NKAIN3: variants seen among roughly 807,000 people sequenced by gnomAD.
The protein encoded by NKAIN3 is sodium/potassium transporting ATPase interacting 3.
Under a neutral mutation model 30.2 loss-of-function variants are expected in NKAIN3, and 25 were observed. That is an observed-to-expected ratio of 0.83 (90% CI 0.60 to 1.16). NKAIN3 has a LOEUF of 1.16. NKAIN3 is among the 50% of genes most tolerant of loss of function. The pLI is 0.00. For synonymous variants in NKAIN3, 91 were observed against 89.6 expected (o/e 1.02, Z -0.09); for missense variants, 225 against 254.1 (o/e 0.89, Z 0.78).
At chr8:62,800,822 A>G (rs1267611918) in intron 4 of NKAIN3, among the ~76,000 whole-genome samples, 3 of 152,198 alleles carry the variant, frequency 2.0e-5, no homozygotes, top group African/African-American at 7.2e-5. Flanking sequence ...GCATTGCCTC[A>G]CTCGGGAAGT....
intron 3 of NKAIN3, among the ~76,000 whole-genome samples, chr8:62,645,135 A>T (rs1812422951): frequency 6.6e-6 from 1 of 152,070 alleles, no homozygotes; most frequent in Non-Finnish European, 1.5e-5. Context: ...GGTGGAGCCA[A>T]AGAGTGTAAG....
At chr8:62,577,752 G>A (rs1217434134) in intron 1 of NKAIN3, among the ~76,000 whole-genome samples, 5 of 151,512 alleles carry the variant, frequency 3.3e-5, no homozygotes, top group African/African-American at 7.3e-5. Flanking sequence ...GATATTTTGC[G>A]TTTTAGCCAT....
At chr8:62,441,793 A>G (rs776935008) in intron 1 of NKAIN3, among the ~76,000 whole-genome samples, 7 of 152,052 alleles carry the variant, frequency 4.6e-5, no homozygotes, top group Non-Finnish European at 1.0e-4. Context: ...AATTAAAAAC[A>G]TTGATAAGAA....
At position 62,339,788 on chromosome 8, in the gene NKAIN3, T is replaced by G. The variant is rs535517868; in HGVS notation, c.54+90661T>G. ...AAGTTAAAAAGTAATGTGCATATTTTTCTAAAGAAAGGATTTTATAATGTA... is the reference window on the plus strand; with the variant it reads ...AAGTTAAAAAGTAATGTGCATATTTGTCTAAAGAAAGGATTTTATAATGTA... On this transcript the variant is annotated intron_variant, in intron 1 of 6. Transcript: ENST00000623646. Among the ~76,000 whole-genome samples, 13 of 152,194 alleles carry G rather than the reference T, an allele frequency of 8.5e-5. No homozygotes were observed. The South Asian group carries it at 2.7e-3, about 31-fold the overall frequency.
At chr8:62,509,910 C>T (rs2129729142) in intron 1 of NKAIN3, among the ~76,000 whole-genome samples, 1 of 152,146 alleles carries the variant, frequency 6.6e-6, no homozygotes. Flanking sequence ...GTGGATCTTG[C>T]TTTTGAAAAA....
At chr8:62,676,875 A>C (rs904045076) in intron 3 of NKAIN3, among the ~76,000 whole-genome samples, 1 of 151,864 alleles carries the variant, frequency 6.6e-6, no homozygotes, top group African/African-American at 2.4e-5. Context: ...CACCATGCCA[A>C]GCTAATTTTT....
intron 3 of NKAIN3, among the ~76,000 whole-genome samples, chr8:62,624,068 C>G (rs1480701501): frequency 2.0e-5 from 3 of 152,034 alleles, no homozygotes; most frequent in Non-Finnish European, 2.9e-5. Context: ...TGTCATGGTG[C>G]TGGTAGGAGT....
At chr8:62,625,612 G>T (rs1201121450) in intron 3 of NKAIN3, among the ~76,000 whole-genome samples, 1 of 152,114 alleles carries the variant, frequency 6.6e-6, no homozygotes, top group Admixed American at 6.6e-5. Flanking sequence ...GCCTCATCAG[G>T]TTGTGATAAA....
intron 1 of NKAIN3, among the ~76,000 whole-genome samples, chr8:62,332,972 C>A (rs1470201431): frequency 6.6e-6 from 1 of 152,074 alleles, no homozygotes; most frequent in Non-Finnish European, 1.5e-5. Context: ...TGCACTCTAG[C>A]CTGGCAGACA....
intron 1 of NKAIN3, among the ~76,000 whole-genome samples, chr8:62,518,201 A>G (rs185423543): frequency 2.3e-4 from 35 of 152,202 alleles, no homozygotes; most frequent in Admixed American, 2.1e-3. Flanking sequence ...CTCTACTAAA[A>G]ATACAAAAAT....
At chr8:62,472,164 G>A (rs1806374648) in intron 1 of NKAIN3, among the ~76,000 whole-genome samples, 1 of 152,156 alleles carries the variant, frequency 6.6e-6, no homozygotes, top group African/African-American at 2.4e-5. Flanking sequence ...CCTCAGTCCT[G>A]GGTGAGCTGA....
At chr8:62,945,956 G>A (rs1006292360) in intron 5 of NKAIN3, among the ~76,000 whole-genome samples, 1 of 152,160 alleles carries the variant, frequency 6.6e-6, no homozygotes, top group African/African-American at 2.4e-5. Flanking sequence ...TTGCTGAGCA[G>A]AAAGAAGTAA....
intron 4 of NKAIN3, among the ~76,000 whole-genome samples, chr8:62,834,182 A>G (rs138454117): frequency 1.3e-5 from 2 of 152,244 alleles, no homozygotes; most frequent in East Asian, 1.9e-4. Context: ...ACCTCAAAAT[A>G]GTAAGAACGG....
intron 1 of NKAIN3, among the ~76,000 whole-genome samples, chr8:62,480,016 T>G (rs1401593308): frequency 1.3e-5 from 2 of 152,176 alleles, no homozygotes; most frequent in Non-Finnish European, 2.9e-5. Flanking sequence ...AAGGAACACT[T>G]TGTTTTTATA....
chr8:62,896,366 T>C (rs952204982), intron 4 of NKAIN3, among the ~76,000 whole-genome samples: 7 of 152,126 alleles, frequency 4.6e-5, no homozygotes, highest in Admixed American at 4.6e-4. Context: ...AGTTTGAACA[T>C]GTACATTCTG....
chr8:62,296,794 GC>G (rs934784658), intron 1 of NKAIN3, among the ~76,000 whole-genome samples: 65 of 152,104 alleles, frequency 4.3e-4, no homozygotes, highest in African/African-American at 1.6e-3. Context: ...GCAGATCCAT[GC>G]AGCCAGTTTC....
At chr8:62,863,735 A>T in intron 4 of NKAIN3, 1 of 1,591,786 alleles carries the variant, frequency 6.3e-7, no homozygotes, top group Non-Finnish European at 8.6e-7. Flanking sequence ...TTTCATTGCA[A>T]CAAATCTTTT....
chr8:62,951,460 G>T (rs931667083), intron 5 of NKAIN3, among the ~76,000 whole-genome samples: 1 of 151,880 alleles, frequency 6.6e-6, no homozygotes, highest in African/African-American at 2.4e-5. Context: ...TTGTTTGTTT[G>T]CTTTGTTTTG....
intron 4 of NKAIN3, among the ~76,000 whole-genome samples, chr8:62,757,795 G>A (rs984150131): frequency 4.6e-5 from 7 of 152,226 alleles, no homozygotes; most frequent in African/African-American, 1.7e-4. Flanking sequence ...AACAGAAGTA[G>A]TGGCTTAAAG....
Sources: gnomAD v4.1 joint callset for allele counts (sites outside exome capture counted in the v4.1 genomes callset) on GRCh38, gnomAD v4.1.1 for gene constraint, MANE v1.5 for transcripts, NCBI Gene and HGNC (gene_info 2026-07-23, HGNC 2026-07-21) for gene names.